PCDHA9: variants seen among roughly 807,000 people sequenced by gnomAD.
PCDHA9 encodes the protein protocadherin alpha-9.
PCDHA9 carries 62 observed loss-of-function variants against 62.0 expected under a neutral mutation model. That is an observed-to-expected ratio of 1.00 (90% CI 0.81 to 1.23). PCDHA9 has a LOEUF of 1.23. PCDHA9 is among the 50% of genes most tolerant of loss of function. The pLI, the probability that PCDHA9 is intolerant of heterozygous loss-of-function variation, is 0.00. For missense variants in PCDHA9, 1,205 were observed against 1,249.8 expected, an observed-to-expected ratio of 0.96 and a Z score of 0.54; for synonymous variants, 557 against 567.6, an observed-to-expected ratio of 0.98 and a Z score of 0.27.
chr5:140,923,719 G>A (rs906860011), intron 1 of PCDHA9, among the ~76,000 whole-genome samples: 5 of 152,182 alleles, frequency 3.3e-5, no homozygotes, highest in African/African-American at 1.2e-4. Context: ...GAATAAGAAT[G>A]CAATGTTATG....
intron 1 of PCDHA9, chr5:140,883,245 G>C: frequency 6.2e-7 from 1 of 1,614,016 alleles, no homozygotes; most frequent in South Asian, 1.1e-5. Context: ...GTTGACAAAG[G>C]AAATATTCCA....
intron 1 of PCDHA9, among the ~76,000 whole-genome samples, chr5:140,960,521 A>C (rs950989969): frequency 9.9e-5 from 15 of 152,162 alleles, no homozygotes; most frequent in Non-Finnish European, 1.5e-5. Context: ...CATAATGGGT[A>C]TAGGAAAGAG....
chr5:140,875,506 C>A, intron 1 of PCDHA9: 1 of 1,613,618 alleles, frequency 6.2e-7, no homozygotes, highest in Non-Finnish European at 8.5e-7. Flanking sequence ...CCCGGGATCC[C>A]AGCGTCTGCT....
At chr5:140,895,292 C>A (rs1032250917) in intron 1 of PCDHA9, among the ~76,000 whole-genome samples, 2 of 152,044 alleles carry the variant, frequency 1.3e-5, no homozygotes. Context: ...TTAGGACCTT[C>A]GATTTCCCCC....
chr5:140,878,016 G>A, intron 1 of PCDHA9: 2 of 818,388 alleles, frequency 2.4e-6, no homozygotes, highest in Admixed American at 3.6e-5. Context: ...CATTAATGAA[G>A]GAAATATGTA....
intron 1 of PCDHA9, among the ~76,000 whole-genome samples, chr5:140,940,983 C>T (rs572659107): frequency 6.6e-6 from 1 of 152,176 alleles, no homozygotes; most frequent in Non-Finnish European, 1.5e-5. Context: ...TATCTAGTTA[C>T]AAGTTTATAG....
chr5:141,004,528 C>T (rs2098169666), intron 3 of PCDHA9, among the ~76,000 whole-genome samples: 1 of 152,230 alleles, frequency 6.6e-6, no homozygotes, highest in Non-Finnish European at 1.5e-5. Flanking sequence ...CCAATACACA[C>T]AGCCATTAAT....
chr5:140,883,532 G>C, intron 1 of PCDHA9: 2 of 1,614,220 alleles, frequency 1.2e-6, no homozygotes, highest in Non-Finnish European at 1.7e-6. Context: ...ATCAGCCTAT[G>C]AACTGGTGGT....
At chr5:140,941,210 T>C (rs199663607) in intron 1 of PCDHA9, among the ~76,000 whole-genome samples, 3,757 of 100,378 alleles carry the variant, frequency 0.037, 93 homozygotes, top group African/African-American at 0.096. Context: ...TTCCTTTCTT[T>C]CTTCCTTTCT....
intron 3 of PCDHA9, among the ~76,000 whole-genome samples, chr5:140,993,683 G>A (rs2097577653): frequency 6.6e-6 from 1 of 152,080 alleles, no homozygotes; most frequent in Non-Finnish European, 1.5e-5. Flanking sequence ...TGTGACAGCT[G>A]TCCCATAAGA....
chr5:140,882,127 C>A (rs2058964637), intron 1 of PCDHA9: 23 of 1,464,566 alleles, frequency 1.6e-5, no homozygotes, highest in Admixed American at 4.6e-5. Flanking sequence ...TTTCTTTCTT[C>A]CTGCAGAAAA....
At chr5:140,869,548 G>T in intron 1 of PCDHA9, 1 of 1,614,202 alleles carries the variant, frequency 6.2e-7, no homozygotes, top group Non-Finnish European at 8.5e-7. Flanking sequence ...TAAGCAATCG[G>T]ACTCGCGTTT....
intron 1 of PCDHA9, chr5:140,927,462 A>C (rs782679625): frequency 6.2e-7 from 1 of 1,614,138 alleles, no homozygotes; most frequent in East Asian, 2.2e-5. Flanking sequence ...TGGAGAAAGC[A>C]CTGGATCGCG....
chr5:140,935,996 G>A (rs145363850), intron 1 of PCDHA9, among the ~76,000 whole-genome samples: 2 of 150,844 alleles, frequency 1.3e-5, no homozygotes, highest in African/African-American at 4.9e-5. Context: ...GGGTTCAAGC[G>A]ATTCTCCCAC....
In PCDHA9 at chr5:140,850,112, C is replaced by A. The variant is rs2150468097; in HGVS notation, c.1617C>A (p.Asp539Glu). 1 of 1,596,024 alleles carries A rather than the reference C, an allele frequency of 6.3e-7. No individual in the cohort carries two copies. Among genetic ancestry groups the A allele is most frequent in the Non-Finnish European group, 8.6e-7 (1 of 1,167,838 alleles). ...TACAGTTCCAGGTGAGCGCGCGCGACGCGGGCGTGCCGCCTCTGGGCAGCA... is the reference window on the plus strand; with the variant it reads ...TACAGTTCCAGGTGAGCGCGCGCGAAGCGGGCGTGCCGCCTCTGGGCAGCA... ...ELLQFQVSAR[D>E]AGVPPLGSNV... Residue 539 changes from aspartate to glutamate, a missense_variant, in exon 1 of 4, where the codon GAC becomes GAA. By Grantham distance (45) the Asp-to-Glu change is conservative (BLOSUM62 2). Coordinates refer to ENST00000532602, the MANE Select transcript of PCDHA9 (RefSeq NM_031857.2).
intron 1 of PCDHA9, chr5:140,926,708 C>G (rs1554203635): frequency 2.2e-6 from 2 of 896,142 alleles, no homozygotes; most frequent in South Asian, 5.3e-5. Context: ...CCCAGCTGGC[C>G]AGCCCCGGCA....
intron 1 of PCDHA9, among the ~76,000 whole-genome samples, chr5:140,950,241 G>T (rs191139851): frequency 2.0e-5 from 3 of 152,014 alleles, no homozygotes; most frequent in African/African-American, 4.8e-5. Flanking sequence ...CCATTAATTT[G>T]TTCCTAAAGA....
chr5:140,960,134 A>G (rs1480555997), intron 1 of PCDHA9, among the ~76,000 whole-genome samples: 10 of 152,232 alleles, frequency 6.6e-5, no homozygotes, highest in African/African-American at 2.2e-4. Context: ...TGAAATACTT[A>G]GATATTAATA....
intron 1 of PCDHA9, chr5:140,884,468 C>T (rs925441051): frequency 2.5e-6 from 4 of 1,613,762 alleles, no homozygotes; most frequent in Non-Finnish European, 3.4e-6. Flanking sequence ...CGCGTGCGCG[C>T]CGGGCAAGCC....
Sources: gnomAD v4.1 joint callset for allele counts (sites outside exome capture counted in the v4.1 genomes callset) on GRCh38, gnomAD v4.1.1 for gene constraint, MANE v1.5 for transcripts, NCBI Gene and HGNC (gene_info 2026-07-23, HGNC 2026-07-21) for gene names.